Variants in COBLL1 observed in about 807,000 individuals in gnomAD.
The protein encoded by COBLL1 is cordon-bleu WH2 repeat protein like 1, also known as cordon-bleu protein-like 1.
COBLL1 carries 50 observed loss-of-function variants against 94.8 expected under a neutral mutation model. That is an observed-to-expected ratio of 0.53 (90% CI 0.42 to 0.67). COBLL1 has a LOEUF of 0.67. COBLL1 is among the 30% of genes least tolerant of loss of function. The probability of loss-of-function intolerance (pLI) is 0.00; values close to 1 mark genes in which losing one functional copy is unlikely to be tolerated. For synonymous variants in COBLL1, 448 were observed against 473.8 expected (o/e 0.95, Z 0.71); for missense variants, 1,362 against 1,348.7 (o/e 1.01, Z -0.15).
chr2:164,745,384 C>T (rs1686810832), intron 2 of COBLL1, among the ~76,000 whole-genome samples: 1 of 152,156 alleles, frequency 6.6e-6, no homozygotes, highest in South Asian at 2.1e-4. Context: ...TGAATAAAAG[C>T]TTATGAAAAT....
At chr2:164,658,596 C>T (rs1691018863) in intron 2 of COBLL1, among the ~76,000 whole-genome samples, 1 of 152,162 alleles carries the variant, frequency 6.6e-6, no homozygotes, top group Admixed American at 6.5e-5. Context: ...TTCACAGGCC[C>T]TGACTATCTG....
At chr2:164,839,978 A>G (rs1683510033) in intron 2 of COBLL1, among the ~76,000 whole-genome samples, 1 of 152,248 alleles carries the variant, frequency 6.6e-6, no homozygotes, top group Non-Finnish European at 1.5e-5. Context: ...TAAAAATTAT[A>G]CTAAATATCT....
intron 2 of COBLL1, among the ~76,000 whole-genome samples, chr2:164,818,627 G>GGCGTATATGTACATATGTACACATATATA (rs1684989522): frequency 1.4e-5 from 2 of 140,722 alleles, no homozygotes; most frequent in East Asian, 2.0e-4. Flanking sequence ...ACACATATAT[G>GGCGTATATGTACATATGTACACATATATA]GCGTATATGT....
chr2:164,826,028 T>C (rs548834804), intron 2 of COBLL1, among the ~76,000 whole-genome samples: 8 of 152,198 alleles, frequency 5.3e-5, no homozygotes, highest in Admixed American at 1.3e-4. Flanking sequence ...ACCTCCTCTT[T>C]GAGTAATGAT....
At chr2:164,661,145 C>T (rs1208962415) in intron 2 of COBLL1, among the ~76,000 whole-genome samples, 1 of 151,958 alleles carries the variant, frequency 6.6e-6, no homozygotes, top group Non-Finnish European at 1.5e-5. Flanking sequence ...ATATTACATT[C>T]AGTACCTTAT....
At chr2:164,818,590 A>G (rs1684980518) in intron 2 of COBLL1, among the ~76,000 whole-genome samples, 3 of 148,092 alleles carry the variant, frequency 2.0e-5, no homozygotes, top group Admixed American at 6.8e-5. Flanking sequence ...ACATATGTAC[A>G]CATATATAGC....
intron 2 of COBLL1, among the ~76,000 whole-genome samples, chr2:164,776,084 AC>A (rs1328907272): frequency 2.0e-5 from 3 of 146,928 alleles, no homozygotes; most frequent in Non-Finnish European, 4.5e-5. Context: ...ACTTCAACAA[AC>A]CCCCCCAGTC....
rs1164006361 is a variant in COBLL1 at position 164,699,440 on chromosome 2, C to T, written c.1520G>A (p.Arg507Lys). The T allele has an allele frequency of 1.2e-6, 2 of 1,612,458 alleles. No homozygotes were observed. Among genetic ancestry groups the T allele is most frequent in the Admixed American group, 3.3e-5 (2 of 59,974 alleles). Residue 507 changes from arginine to lysine, a missense_variant, in exon 11 of 14, where the codon AGA becomes AAA. Physicochemically the swap from Arg to Lys is conservative, Grantham distance 26. Coordinates refer to ENST00000652658, the MANE Select transcript of COBLL1 (RefSeq NM_001365672.2). ...SNGKKVVDSI[R>K]NLKSLGPNQE... is the part of the protein sequence containing the mutation. Reference sequence around the variant, plus strand: ...GTTTGGGCCCAACGACTTCAAGTTTCTTATACTGTCAACTACCTTCTTTCC... The same window carrying T: ...GTTTGGGCCCAACGACTTCAAGTTTTTTATACTGTCAACTACCTTCTTTCC...
chr2:164,815,504 C>T (rs1684686014), intron 2 of COBLL1, among the ~76,000 whole-genome samples: 1 of 151,770 alleles, frequency 6.6e-6, no homozygotes, highest in Admixed American at 6.6e-5. Flanking sequence ...ACAGATCTGA[C>T]ATGAAAACCT....
chr2:164,768,532 G>T (rs1688048678), intron 2 of COBLL1, among the ~76,000 whole-genome samples: 1 of 152,056 alleles, frequency 6.6e-6, no homozygotes, highest in South Asian at 2.1e-4. Context: ...TTTGAATTAA[G>T]ATATAAATAC....
chr2:164,728,261 G>A, intron 4 of COBLL1, 64 bp from the exon 5 acceptor site: 1 of 998,996 alleles, frequency 1.0e-6, no homozygotes, highest in Non-Finnish European at 1.6e-6. Context: ...CTACAATAAT[G>A]TCTAGAATAA....
At chr2:164,779,987 A>T (rs1688660410) in intron 2 of COBLL1, among the ~76,000 whole-genome samples, 1 of 152,154 alleles carries the variant, frequency 6.6e-6, no homozygotes, top group African/African-American at 2.4e-5. Flanking sequence ...TAAAAATATG[A>T]TATGATACTT....
At position 164,730,048 on chromosome 2, in the gene COBLL1, T is replaced by C. The variant is rs779758600; in HGVS notation, c.298A>G (p.Ile100Val). The change falls in exon 4 of 14, where the codon ATC becomes GTC. Residue 100 changes from isoleucine (I) to valine (V), a missense_variant. Physicochemically the swap from Ile to Val is conservative, Grantham distance 29. Transcript: ENST00000652658. ...TTCTGTTCAGCTGACAACAGATCGA[T>C]TGTGTAACTTGATGGATTTAAGTGA... ...QYHLNPSSYT[I>V]DLLSAEQNHI... 3 of 1,613,974 alleles carry C rather than the reference T, an allele frequency of 1.9e-6. No individual in the cohort carries two copies.
chr2:164,774,865 C>CA (rs34127217), intron 2 of COBLL1, among the ~76,000 whole-genome samples: 7,175 of 130,120 alleles, frequency 0.055, 289 homozygotes, highest in African/African-American at 0.12. Context: ...TCACTTTTTT[C>CA]AAAAAAAAAA....
At chr2:164,776,806 T>C (rs1299757298) in intron 2 of COBLL1, among the ~76,000 whole-genome samples, 3 of 152,128 alleles carry the variant, frequency 2.0e-5, no homozygotes, top group Non-Finnish European at 4.4e-5. Context: ...TGTGATTAAG[T>C]GTCTTTGGAA....
chr2:164,805,146 T>C (rs1480500009), intron 2 of COBLL1, among the ~76,000 whole-genome samples: 4 of 150,916 alleles, frequency 2.7e-5, no homozygotes, highest in Non-Finnish European at 5.9e-5. Flanking sequence ...TTACAAAAAA[T>C]TGATCAAAAA....
At chr2:164,812,791 G>A (rs1242833008) in intron 2 of COBLL1, among the ~76,000 whole-genome samples, 1 of 151,996 alleles carries the variant, frequency 6.6e-6, no homozygotes, top group Non-Finnish European at 1.5e-5. Context: ...CCTGATTTTA[G>A]TTTTAAAAAG....
chr2:164,744,929 ATAAAC>A (rs1686790732), intron 2 of COBLL1, among the ~76,000 whole-genome samples: 1 of 152,250 alleles, frequency 6.6e-6, no homozygotes, highest in South Asian at 2.1e-4. Context: ...AAATATGAAA[ATAAAC>A]TATAAGTAAT....
At chr2:164,829,938 A>G (rs1682989630) in intron 2 of COBLL1, among the ~76,000 whole-genome samples, 1 of 152,186 alleles carries the variant, frequency 6.6e-6, no homozygotes, top group Non-Finnish European at 1.5e-5. Context: ...CTTCCATAAG[A>G]ATGTTTGACA....
Sources: gnomAD v4.1 joint callset for allele counts (sites outside exome capture counted in the v4.1 genomes callset) on GRCh38, gnomAD v4.1.1 for gene constraint, MANE v1.5 for transcripts, NCBI Gene and HGNC (gene_info 2026-07-23, HGNC 2026-07-21) for gene names.